The following ATRNL1 variants were observed in gnomAD, a reference collection of about 807,000 sequenced individuals.
ATRNL1 encodes attractin-like protein 1.
Under a neutral mutation model 182.7 loss-of-function variants are expected in ATRNL1, and 95 were observed. The ratio of observed to expected loss-of-function variants is 0.52; its 90% confidence interval spans 0.44 to 0.62. The LOEUF is 0.62. ATRNL1 is among the 20% of genes least tolerant of loss of function. The pLI is 0.00. For missense variants in ATRNL1, 1,471 were observed against 1,679.5 expected (o/e 0.88, Z 2.17); for synonymous variants, 576 against 568.3 (o/e 1.01, Z -0.19).
intron 26 of ATRNL1, among the ~76,000 whole-genome samples, chr10:115,577,865 G>C (rs1854819621): frequency 1.3e-5 from 2 of 151,222 alleles, no homozygotes; most frequent in Admixed American, 1.3e-4. Context: ...TTTTCCCATT[G>C]ATTATGATAT....
chr10:115,691,517 T>A (rs542798804), intron 26 of ATRNL1, among the ~76,000 whole-genome samples: 2 of 152,170 alleles, frequency 1.3e-5, no homozygotes, highest in Non-Finnish European at 2.9e-5. Context: ...AGTTCAGGAA[T>A]TGGAGACCAG....
chr10:115,596,091 G>A (rs782380511), intron 26 of ATRNL1, among the ~76,000 whole-genome samples: 2 of 152,074 alleles, frequency 1.3e-5, no homozygotes, highest in Non-Finnish European at 2.9e-5. Context: ...TCGGAAATGT[G>A]ACGCCCAAAT....
chr10:115,376,153 CCTT>C (rs1857658356), intron 19 of ATRNL1, among the ~76,000 whole-genome samples: 1 of 151,676 alleles, frequency 6.6e-6, no homozygotes, highest in Admixed American at 6.6e-5. Context: ...AATACATCAT[CCTT>C]CTTCCTCCTG....
chr10:115,754,175 A>G (rs1948524457), intron 27 of ATRNL1, among the ~76,000 whole-genome samples: 1 of 152,126 alleles, frequency 6.6e-6, no homozygotes, highest in African/African-American at 2.4e-5. Flanking sequence ...TCTTTAGTAT[A>G]ATTAGATCCC....
chr10:115,163,265 A>G (rs528181315), intron 6 of ATRNL1, among the ~76,000 whole-genome samples: 1 of 148,512 alleles, frequency 6.7e-6, no homozygotes, highest in East Asian at 2.0e-4. Flanking sequence ...GAAACTAAGA[A>G]TTTTTTCTTA....
At chr10:115,162,730 A>G (rs1158720870) in intron 6 of ATRNL1, among the ~76,000 whole-genome samples, 1 of 150,664 alleles carries the variant, frequency 6.6e-6, no homozygotes, top group African/African-American at 2.4e-5. Flanking sequence ...CTGAGGCACC[A>G]TATCACTAAG....
chr10:115,563,289 G>A (rs562187062), intron 26 of ATRNL1, among the ~76,000 whole-genome samples: 2 of 152,312 alleles, frequency 1.3e-5, no homozygotes, highest in African/African-American at 4.8e-5. Flanking sequence ...AGTTGAGTTT[G>A]CAGGTGATAA....
At chr10:115,211,964 C>T (rs1849043603) in intron 8 of ATRNL1, among the ~76,000 whole-genome samples, 1 of 151,334 alleles carries the variant, frequency 6.6e-6, no homozygotes, top group Non-Finnish European at 1.5e-5. Flanking sequence ...ACTGTTTTCT[C>T]TATTTTTCAT....
Position 115,334,287 on chromosome 10 carries a change from C to A in ATRNL1, c.3043C>A (p.Gln1015Lys). 1 of 1,522,424 alleles carries A rather than the reference C, an allele frequency of 6.6e-7. No homozygotes were observed. Among genetic ancestry groups the A allele is most frequent in the Non-Finnish European group, 8.9e-7 (1 of 1,121,752 alleles). The allele number at this position is 1,522,424 out of a possible 1,614,324, so 94.3% of individuals were successfully genotyped here. A position where few individuals can be genotyped will look rare whatever the true frequency, so the allele number is the denominator to read the frequency against. Residue 1015 changes from glutamine to lysine, a missense_variant, in exon 19 of 29, where the codon CAG (glutamine) becomes AAG (lysine). Transcript: ENST00000355044. The part of the protein sequence containing the change: ...EWSFIQCPAC[Q>K]CNGHSTCINN... The stretch of plus-strand genomic sequence containing the variant: ...CTTTTTACTGTTTCCTTTAGCTTGC[C>A]AGTGTAATGGACATAGCACTTGCAT...
chr10:115,159,553 A>G (rs973516179), intron 5 of ATRNL1, among the ~76,000 whole-genome samples: 3 of 151,518 alleles, frequency 2.0e-5, no homozygotes, highest in Non-Finnish European at 4.4e-5. Context: ...ATGTTTGTTT[A>G]ATAGTTAATA....
chr10:115,917,480 AAAAAAG>A (rs1426353951), intron 28 of ATRNL1, among the ~76,000 whole-genome samples: 1 of 8,160 alleles, frequency 1.2e-4, no homozygotes, highest in Non-Finnish European at 1.4e-3. Context: ...AAAAAAAAAA[AAAAAAG>A]AAAAAAAAAA....
rs1169630555 is a variant in ATRNL1 at position 115,503,766 on chromosome 10, TTG to T, written c.3655-15495_3655-15494del. Among the ~76,000 whole-genome samples, 3 of 152,126 alleles carry T rather than the reference TTG, an allele frequency of 2.0e-5. No homozygotes were observed. The East Asian group carries it at 5.8e-4, about 29-fold the overall frequency. ...TCATGACATGCTTGGACTTTCTGGT[TTG>T]TCCTGAACATCACTTTTTCTTAAAC... On this transcript the variant is annotated intron_variant, in intron 24 of 28. Transcript: ENST00000355044.
rs552527938 is a variant in ATRNL1 at position 115,707,774 on chromosome 10, A to G, written c.3796-19474A>G. Among the ~76,000 whole-genome samples, 32 of 151,830 alleles carry G rather than the reference A, an allele frequency of 2.1e-4. No individual in the cohort carries two copies. The South Asian group carries it at 6.2e-3, about 30-fold the overall frequency. ...AAATTGTCTCCAATTTTTCACTATGATAAATGACACTTTCATAGAAACTTA... is the reference window on the plus strand; with the variant it reads ...AAATTGTCTCCAATTTTTCACTATGGTAAATGACACTTTCATAGAAACTTA... On this transcript the variant is annotated intron_variant, in intron 26 of 28. Coordinates refer to ENST00000355044, the MANE Select transcript of ATRNL1 (RefSeq NM_207303.4).
At chr10:115,458,698 C>T (rs1249320285) in intron 21 of ATRNL1, among the ~76,000 whole-genome samples, 3 of 152,056 alleles carry the variant, frequency 2.0e-5, no homozygotes, top group Admixed American at 6.6e-5. Flanking sequence ...TGTCCAGGGT[C>T]TGAAGTCTCC....
intron 1 of ATRNL1, among the ~76,000 whole-genome samples, chr10:115,111,419 G>T (rs1554867997): frequency 6.6e-6 from 1 of 152,198 alleles, no homozygotes; most frequent in East Asian, 1.9e-4. Context: ...TCATGATTCT[G>T]CAGGATGTAC....
intron 26 of ATRNL1, among the ~76,000 whole-genome samples, chr10:115,620,090 A>C (rs963664038): frequency 6.6e-6 from 1 of 152,266 alleles, no homozygotes; most frequent in East Asian, 1.9e-4. Flanking sequence ...ACAGTTCTGC[A>C]GTCTGTAGAC....
intron 27 of ATRNL1, among the ~76,000 whole-genome samples, chr10:115,747,186 C>A (rs1368261831): frequency 1.3e-5 from 2 of 152,090 alleles, no homozygotes; most frequent in East Asian, 3.9e-4. Context: ...CTTATTGTGT[C>A]ATGTCACCCT....
At chr10:115,692,500 G>A (rs1482189567) in intron 26 of ATRNL1, among the ~76,000 whole-genome samples, 2 of 151,898 alleles carry the variant, frequency 1.3e-5, no homozygotes, top group African/African-American at 4.8e-5. Flanking sequence ...AGAGCCTACG[G>A]GCCCTTAAAA....
intron 22 of ATRNL1, among the ~76,000 whole-genome samples, chr10:115,466,321 G>A (rs1848050043): frequency 1.3e-5 from 2 of 151,354 alleles, no homozygotes; most frequent in South Asian, 4.2e-4. Context: ...CTAGATCTTA[G>A]CAGTATAGAA....
Sources: gnomAD v4.1 joint callset for allele counts (sites outside exome capture counted in the v4.1 genomes callset) on GRCh38, gnomAD v4.1.1 for gene constraint, MANE v1.5 for transcripts, NCBI Gene and HGNC (gene_info 2026-07-23, HGNC 2026-07-21) for gene names.